The following UBXN1 variants were observed in gnomAD, a reference collection of about 807,000 sequenced individuals.
UBXN1 encodes the protein UBX domain protein 1.
UBXN1 carries 21 observed loss-of-function variants against 42.0 expected under a neutral mutation model. That is an observed-to-expected ratio of 0.50 (90% confidence interval 0.35 to 0.72). The LOEUF is 0.72. Ranked by LOEUF, UBXN1 falls within the 30% of genes least tolerant of loss-of-function variation. UBXN1 has a pLI of 0.00. For missense variants in UBXN1, 374 were observed against 382.2 expected, an observed-to-expected ratio of 0.98 and a Z score of 0.18; for synonymous variants, 172 against 142.6, an observed-to-expected ratio of 1.21 and a Z score of -1.47.
rs767656506 is a variant in UBXN1, at chr11:62,678,674, C to T, written c.113+16G>A. 2 of 1,611,020 alleles carry T rather than the reference C, an allele frequency of 1.2e-6. No homozygotes were observed. Among genetic ancestry groups the T allele is most frequent in the Non-Finnish European group, 1.7e-6 (2 of 1,179,452 alleles). The stretch of plus-strand genomic sequence containing the variant: ...CGCCAGCCCCCAATTCTCCGCCACC[C>T]GGGACGAGCGCTTACCAGTCCATCG... On this transcript the variant is annotated intron_variant, in intron 2 of 8. Transcript: ENST00000301935.
intron 7 of UBXN1, 44 bp downstream of exon 7, chr11:62,677,474 G>C (rs750125752): frequency 3.6e-5 from 58 of 1,600,914 alleles, no homozygotes; most frequent in Non-Finnish European, 4.3e-5. Context: ...CCTTAACACG[G>C]AACAAAGGGG....
chr11:62,678,638 G>A (rs1441774545), intron 2 of UBXN1, 37 bp from the exon 3 acceptor site: 6 of 1,612,226 alleles, frequency 3.7e-6, no homozygotes, highest in Non-Finnish European at 5.1e-6. Context: ...TAGCTTTGAG[G>A]CTGCCCCTCC....
Position 62,676,617 on chromosome 11 carries a change from G to A in UBXN1, c.867C>T (p.Leu289=). 2 of 1,612,708 alleles carry A rather than the reference G, an allele frequency of 1.2e-6. No individual in the cohort carries two copies. The highest frequency in any genetic ancestry group is 1.7e-6 in the Non-Finnish European group (2 of 1,179,688). The stretch of plus-strand genomic sequence containing the variant: ...AGCTGGGACATTTCTTGGCCACAAT[G>A]AGAACAGCAGAAGGCACGAGTCCTG... ...QELGLVPSAV[L]IVAKKCPS is the part of the protein sequence containing the mutation. The change falls in exon 9 of 9, where the codon CTC becomes CTT. Residue 289 remains leucine (L), a synonymous_variant. Transcript: ENST00000301935.
rs774400270 is a variant in UBXN1 at position 62,678,368 on chromosome 11, A to C, written c.261T>G (p.Ser87Arg). 2 of 1,614,056 alleles carry C rather than the reference A, an allele frequency of 1.2e-6. No homozygotes were observed. The highest frequency in any genetic ancestry group is 2.2e-5 in the South Asian group (2 of 91,078). ...SAAGEGKPAL[S>R]EEERQEQTKR... ...TAGTTTGTTCCTGTCTTTCCTCTTC[A>C]CTCAAAGCGGGTTTGCCTTCTCCGG... The change falls in exon 4 of 9, where the codon AGT becomes AGG. Residue 87 changes from serine to arginine, a missense_variant. Transcript: ENST00000301935.
rs955187966 is a variant in UBXN1 at position 62,678,866 on chromosome 11, C to A, written c.58G>T (p.Ala20Ser). ...GCCGGGGTTGGGGAACTCCCTTACG[C>A]GCGTCCCCTGGGGAAGCCCATCTCG... Reference protein sequence around the residue: ...LIEMGFPRGRAEKALALTGNQ... With the variant: ...LIEMGFPRGRSEKALALTGNQ... The change falls in exon 1 of 9, where the codon GCG becomes TCG. Residue 20 changes from alanine (A) to serine (S), a missense_variant and splice_region_variant. Physicochemically the swap from Ala to Ser is moderately conservative, Grantham distance 99. Transcript: ENST00000301935. 1 of 1,605,464 alleles carries A rather than the reference C, an allele frequency of 6.2e-7. No homozygotes were observed. The highest frequency in any genetic ancestry group is 8.5e-7 in the Non-Finnish European group (1 of 1,177,644).
intron 1 of UBXN1, 53 bp downstream of exon 1, chr11:62,678,812 G>A (rs913410003): frequency 5.6e-6 from 9 of 1,610,512 alleles, no homozygotes; most frequent in East Asian, 4.5e-5. Context: ...CAAAGGCCGA[G>A]ACAGGTCCGC....
At chr11:62,678,641 G>GCCCCCCCCCCCCCCC in intron 2 of UBXN1, 40 bp from the exon 3 acceptor site, 1 of 1,596,374 alleles carries the variant, frequency 6.3e-7, no homozygotes, top group Non-Finnish European at 8.6e-7. Flanking sequence ...CTTTGAGGCT[G>GCCCCCCCCCCCCCCC]CCCCTCCCGC....
intron 7 of UBXN1, 194 bp downstream of exon 7, chr11:62,677,324 G>C (rs1204515673): frequency 3.0e-6 from 2 of 660,706 alleles, no homozygotes; most frequent in Non-Finnish European, 5.2e-6. Context: ...GTAAGAGAGA[G>C]GTATGGGTTT....
chr11:62,677,387 G>A lies in UBXN1; in HGVS notation c.651+131C>T, dbSNP rs751170435. 1.1e-5 allele frequency: 10 copies of A among 932,774 alleles called. 1 individual carries two copies. Among genetic ancestry groups the A allele is most frequent in the South Asian group, 1.0e-4 (7 of 69,688 alleles). The allele number at this position is 932,774 out of a possible 1,614,324, so 57.8% of individuals were successfully genotyped here. ...ATACCTTTCCCAAGAGTAGAGATAG[G>A]ATTTCAAAAGTCATTTACAAAGAAG... is the stretch of plus-strand genomic sequence containing the variant. On this transcript the variant is annotated intron_variant, in intron 7 of 8. Coordinates refer to ENST00000301935, the MANE Select transcript of UBXN1 (RefSeq NM_001286077.2).
rs755646382 is a variant in UBXN1, at chr11:62,678,040, C to T, written c.369G>A (p.Gln123=). Residue 123 remains glutamine (Q), a synonymous_variant, in exon 5 of 9, where the codon CAG becomes CAA. Coordinates refer to ENST00000301935, the MANE Select transcript of UBXN1 (RefSeq NM_001286077.2). The part of the protein sequence containing the change: ...EEREALERER[Q]RRRQGQELSA... ...ACAACTCTTGCCCTTGTCTCCTGCG[C>T]TGCCGTTCCCGTTCCAATGCCTCCC... The T allele has an allele frequency of 6.2e-7, 1 of 1,614,180 alleles. No individual in the cohort carries two copies. The highest frequency in any genetic ancestry group is 1.7e-5 in the Admixed American group (1 of 60,002).
In UBXN1 at chr11:62,676,900, C is replaced by T; in HGVS notation, c.757G>A (p.Gly253Arg). Residue 253 changes from glycine to arginine, a missense_variant, in exon 8 of 9, where the codon GGG (glycine) becomes AGG (arginine). By Grantham distance (125) the Gly-to-Arg change is moderately radical (BLOSUM62 -2). Transcript: ENST00000301935. ...AGCAATTGCACAGGGTCCTGGCCCCCACCTAGTTCCTCCCCACGGTGGAGC... is the reference window on the plus strand; with the variant it reads ...AGCAATTGCACAGGGTCCTGGCCCCTACCTAGTTCCTCCCCACGGTGGAGC... The part of the protein sequence containing the change: ...VELHRGEELG[G>R]GQDPVQLLSG... 5 of 1,613,968 alleles carry T rather than the reference C, an allele frequency of 3.1e-6. No individual in the cohort carries two copies. Among genetic ancestry groups the T allele is most frequent in the Non-Finnish European group, 4.2e-6 (5 of 1,180,046 alleles).
At position 62,678,377 on chromosome 11, in the gene UBXN1, G is replaced by C. The variant is rs766235589; in HGVS notation, c.252C>G (p.Pro84=). The C allele has an allele frequency of 1.2e-6, 2 of 1,614,060 alleles. No homozygotes were observed. Among genetic ancestry groups the C allele is most frequent in the South Asian group, 1.1e-5 (1 of 91,086 alleles). ...CCTGTCTTTCCTCTTCACTCAAAGCGGGTTTGCCTTCTCCGGCAGCAGAAC... is the reference window on the plus strand; with the variant it reads ...CCTGTCTTTCCTCTTCACTCAAAGCCGGTTTGCCTTCTCCGGCAGCAGAAC... ...GSGSAAGEGK[P]ALSEEERQEQ... Residue 84 remains proline, a synonymous_variant, in exon 4 of 9, where the codon CCC becomes CCG. Coordinates refer to ENST00000301935, the MANE Select transcript of UBXN1 (RefSeq NM_001286077.2).
chr11:62,676,675 A>C (rs2134669581), intron 8 of UBXN1, 36 bp from the exon 9 acceptor site: 1 of 1,614,172 alleles, frequency 6.2e-7, no homozygotes, highest in Non-Finnish European at 8.5e-7. Flanking sequence ...AACCACAAGG[A>C]TACTTGGTTT....
In UBXN1 at chr11:62,676,856, C is replaced by A. The variant is rs780984322; in HGVS notation, c.801G>T (p.Arg267=). The change falls in exon 8 of 9, where the codon CGG becomes CGT. Residue 267 remains arginine, a synonymous_variant. Coordinates refer to ENST00000301935, the MANE Select transcript of UBXN1 (RefSeq NM_001286077.2). ...PVQLLSGFPR[R]AFSEADMERP... The stretch of plus-strand genomic sequence containing the variant: ...GCTCCATGTCAGCTTCTGAGAAGGC[C>A]CGTCTGGGGAAGCCACTGAGCAATT... 6 of 1,614,118 alleles carry A rather than the reference C, an allele frequency of 3.7e-6. No individual in the cohort carries two copies. In the East Asian group the frequency reaches 1.3e-4, roughly 36 times the overall value.
intron 1 of UBXN1, 49 bp downstream of exon 1, chr11:62,678,816 G>A: frequency 1.2e-6 from 2 of 1,610,144 alleles, no homozygotes; most frequent in East Asian, 2.2e-5. Context: ...GGCCGAGACA[G>A]GTCCGCGACC....
At position 62,678,500 on chromosome 11, in the gene UBXN1, A is replaced by G. The variant is rs1363926834; in HGVS notation, c.215T>C (p.Leu72Pro). The change falls in exon 3 of 9, where the codon CTT becomes CCT. Residue 72 changes from leucine (L) to proline (P), a missense_variant. Physicochemically the swap from Leu to Pro is moderately conservative, Grantham distance 98 (BLOSUM62 -3). Transcript: ENST00000301935. Reference sequence around the variant, plus strand: ...CGTGGACCCTCAGTCAGGACCTTCAAGGCCGCCTTGCTCTGAGGAAGTGGG... The same window carrying G: ...CGTGGACCCTCAGTCAGGACCTTCAGGGCCGCCTTGCTCTGAGGAAGTGGG... ...REPTSSEQGGLEGSGSAAGEG... is the reference protein window; with the variant it reads ...REPTSSEQGGPEGSGSAAGEG... The G allele has an allele frequency of 1.2e-6, 2 of 1,612,402 alleles. No individual in the cohort carries two copies. The highest frequency in any genetic ancestry group is 1.7e-6 in the Non-Finnish European group (2 of 1,179,400).
In UBXN1 at chr11:62,678,050, C is replaced by G. The variant is rs748769310; in HGVS notation, c.359G>C (p.Arg120Pro). ...EEREEREALE[R>P]ERQRRRQGQE... ...CCCTTGTCTCCTGCGCTGCCGTTCCCGTTCCAATGCCTCCCGTTCCTCTCT... is the reference window on the plus strand; with the variant it reads ...CCCTTGTCTCCTGCGCTGCCGTTCCGGTTCCAATGCCTCCCGTTCCTCTCT... The change falls in exon 5 of 9, where the codon CGG (arginine) becomes CCG (proline). Residue 120 changes from arginine (R) to proline (P), a missense_variant. Coordinates refer to ENST00000301935, the MANE Select transcript of UBXN1 (RefSeq NM_001286077.2). The G allele has an allele frequency of 6.2e-7, 1 of 1,614,148 alleles. No homozygotes were observed. Among genetic ancestry groups the G allele is most frequent in the Non-Finnish European group, 8.5e-7 (1 of 1,180,038 alleles).
In UBXN1 at chr11:62,677,979, G is replaced by A. The variant is rs773227855; in HGVS notation, c.430C>T (p.Arg144Cys). Reference sequence around the variant, plus strand: ...CTCCGCCTCTCCTCAGCAGCCCGGCGCATCTCATCTTCCTGTAGCCGCTGT... The same window carrying A: ...CTCCGCCTCTCCTCAGCAGCCCGGCACATCTCATCTTCCTGTAGCCGCTGT... ...ARQRLQEDEMRRAAEERRREK... is the reference protein window; with the variant it reads ...ARQRLQEDEMCRAAEERRREK... Residue 144 changes from arginine to cysteine, a missense_variant, in exon 5 of 9, where the codon CGC (arginine) becomes TGC (cysteine). Transcript: ENST00000301935. The A allele has an allele frequency of 2.5e-6, 4 of 1,613,850 alleles. No homozygotes were observed. The highest frequency in any genetic ancestry group is 3.4e-6 in the Non-Finnish European group (4 of 1,180,016).
In UBXN1 at chr11:62,677,626, G is replaced by A; in HGVS notation, c.543C>T (p.Gly181=). 6.2e-7 allele frequency: 1 copy of A among 1,612,378 alleles called. No individual in the cohort carries two copies. Among genetic ancestry groups the A allele is most frequent in the Non-Finnish European group, 8.5e-7 (1 of 1,179,332 alleles). Residue 181 remains glycine, a synonymous_variant, in exon 7 of 9, where the codon GGC becomes GGT. Transcript: ENST00000301935. ...DKAERAKKYG[G]SVGSQPPPVA... ...CTGGGGGTGGCTGAGAGCCCACACTGCCACCATACTAAAGGGCAAAGTAAA... is the reference window on the plus strand; with the variant it reads ...CTGGGGGTGGCTGAGAGCCCACACTACCACCATACTAAAGGGCAAAGTAAA...
Sources: allele counts gnomAD v4.1 joint callset, GRCh38; gene constraint gnomAD v4.1.1; transcripts MANE v1.5; gene names NCBI Gene and HGNC (gene_info 2026-07-23, HGNC 2026-07-21).